The following SNTG1 variants were observed in gnomAD, a reference collection of about 807,000 sequenced individuals.
SNTG1 encodes the protein syntrophin gamma 1, also known as gamma-1-syntrophin.
In SNTG1, 39 loss-of-function variants were observed where a neutral mutation model predicts 74.7. The observed-to-expected ratio is 0.52, with a 90% confidence interval of 0.40 to 0.68. The LOEUF is 0.68. Ranked by LOEUF, SNTG1 falls within the 30% of genes least tolerant of loss-of-function variation. SNTG1 has a pLI of 0.00. For synonymous variants in SNTG1, 254 were observed against 217.1 expected (o/e 1.17, Z -1.49); for missense variants, 685 against 609.5 (o/e 1.12, Z -1.30).
At chr8:50,454,883 A>G (rs1444103027) in intron 8 of SNTG1, among the ~76,000 whole-genome samples, 2 of 151,634 alleles carry the variant, frequency 1.3e-5, no homozygotes, top group African/African-American at 4.8e-5. Flanking sequence ...TGTGAAAAGC[A>G]CTGAGACTGA....
chr8:50,028,987 T>G (rs937003515), intron 1 of SNTG1, among the ~76,000 whole-genome samples: 2 of 152,156 alleles, frequency 1.3e-5, no homozygotes, highest in African/African-American at 4.8e-5. Flanking sequence ...GTTTTTAATG[T>G]TGAGTTTTAA....
intron 15 of SNTG1, among the ~76,000 whole-genome samples, chr8:50,662,663 AG>A (rs1465964327): frequency 2.0e-5 from 3 of 152,196 alleles, no homozygotes; most frequent in Non-Finnish European, 2.9e-5. Flanking sequence ...TTGGGAAAAA[AG>A]ATGGGAACCA....
intron 18 of SNTG1, among the ~76,000 whole-genome samples, chr8:50,762,093 G>A (rs1284591438): frequency 6.6e-6 from 1 of 151,730 alleles, no homozygotes; most frequent in African/African-American, 2.4e-5. Flanking sequence ...AGTGAATCTT[G>A]CTTGGTTCTG....
At chr8:50,261,962 CT>C (rs2087215200) in intron 2 of SNTG1, among the ~76,000 whole-genome samples, 1 of 151,986 alleles carries the variant, frequency 6.6e-6, no homozygotes, top group Non-Finnish European at 1.5e-5. Context: ...CTCTATGCAC[CT>C]ATTAAAATAT....
intron 17 of SNTG1, among the ~76,000 whole-genome samples, chr8:50,721,362 C>A (rs2095487207): frequency 6.6e-6 from 1 of 152,164 alleles, no homozygotes; most frequent in South Asian, 2.1e-4. Flanking sequence ...CTGGCATTTT[C>A]AAGCTTTGAG....
At chr8:50,169,126 GT>G (rs2082724209) in intron 1 of SNTG1, among the ~76,000 whole-genome samples, 1 of 151,958 alleles carries the variant, frequency 6.6e-6, no homozygotes, top group African/African-American at 2.4e-5. Context: ...TTTGTCATTT[GT>G]GGTTGATTTC....
At chr8:49,971,724 G>T (rs925102824) in intron 1 of SNTG1, among the ~76,000 whole-genome samples, 1 of 152,064 alleles carries the variant, frequency 6.6e-6, no homozygotes, top group Non-Finnish European at 1.5e-5. Flanking sequence ...ACCAATAACA[G>T]ACAAACAGAG....
chr8:50,348,663 A>G (rs943346567), intron 2 of SNTG1, among the ~76,000 whole-genome samples: 8 of 152,204 alleles, frequency 5.3e-5, no homozygotes, highest in Non-Finnish European at 1.0e-4. Context: ...ACTAATAAAG[A>G]TGACTATTTA....
At chr8:50,347,018 T>C (rs979434784) in intron 2 of SNTG1, among the ~76,000 whole-genome samples, 4 of 152,188 alleles carry the variant, frequency 2.6e-5, no homozygotes, top group African/African-American at 9.7e-5. Context: ...ATCCAGAAGA[T>C]CTAAATAAGA....
chr8:49,942,040 G>A (rs1808739100), intron 1 of SNTG1, among the ~76,000 whole-genome samples: 1 of 152,074 alleles, frequency 6.6e-6, no homozygotes, highest in Non-Finnish European at 1.5e-5. Flanking sequence ...GATAAATATA[G>A]CTCAAAAAGA....
At chr8:50,028,870 G>A (rs1319361846) in intron 1 of SNTG1, among the ~76,000 whole-genome samples, 1 of 152,058 alleles carries the variant, frequency 6.6e-6, no homozygotes, top group Non-Finnish European at 1.5e-5. Flanking sequence ...TTTCCCTAAT[G>A]GCTAGAGATG....
At chr8:50,598,072 A>G (rs532082813) in intron 13 of SNTG1, among the ~76,000 whole-genome samples, 9 of 150,380 alleles carry the variant, frequency 6.0e-5, no homozygotes, top group Middle Eastern at 3.2e-3. Flanking sequence ...TTTTAGTTTG[A>G]TGCAATCCCA....
intron 8 of SNTG1, among the ~76,000 whole-genome samples, chr8:50,500,991 C>T (rs561768104): frequency 2.0e-5 from 3 of 152,212 alleles, no homozygotes; most frequent in South Asian, 2.1e-4. Context: ...AGTGGCCTCC[C>T]TCACTGGGCA....
At chr8:50,541,380 T>G (rs1010366085) in intron 11 of SNTG1, among the ~76,000 whole-genome samples, 4 of 152,050 alleles carry the variant, frequency 2.6e-5, no homozygotes, top group African/African-American at 9.7e-5. Context: ...CATTCTCCTG[T>G]AGTCCTTCCA....
At position 50,393,071 on chromosome 8, in the gene SNTG1, A is replaced by G. The variant is rs2092683828; in HGVS notation, c.-27-1141A>G. Among the ~76,000 whole-genome samples, 6 of 152,254 alleles carry G rather than the reference A, an allele frequency of 3.9e-5. No individual in the cohort carries two copies. In the South Asian group the frequency reaches 1.2e-3, roughly 32 times the overall value. The stretch of plus-strand genomic sequence containing the variant: ...TACAGGTTCTTCAAATAAAATGTTT[A>G]AGAGCAATTTTGAAAAATAATTAAG... On this transcript the variant is annotated intron_variant, in intron 2 of 18. Coordinates refer to ENST00000642720, the MANE Select transcript of SNTG1 (RefSeq NM_018967.5).
At chr8:50,159,164 T>C (rs571265733) in intron 1 of SNTG1, among the ~76,000 whole-genome samples, 1 of 152,304 alleles carries the variant, frequency 6.6e-6, no homozygotes, top group South Asian at 2.1e-4. Context: ...GACTTTTTTC[T>C]TTATTGACTT....
chr8:49,967,903 C>T (rs983100291), intron 1 of SNTG1, among the ~76,000 whole-genome samples: 3 of 152,172 alleles, frequency 2.0e-5, no homozygotes, highest in African/African-American at 7.2e-5. Context: ...TCTGGCTTTA[C>T]AGCAGCTTCC....
In SNTG1 at chr8:50,000,798, A is replaced by G. The variant is rs536035444; in HGVS notation, c.-103+88567A>G. ...TTCCTTTTATTCTTGCTAGAGTCCT[A>G]TAGATCTGGACAAGAGGTTATCCTT... On this transcript the variant is annotated intron_variant, in intron 1 of 18. Coordinates refer to ENST00000642720, the MANE Select transcript of SNTG1 (RefSeq NM_018967.5). Among the ~76,000 whole-genome samples, 6 of 152,314 alleles carry G rather than the reference A, an allele frequency of 3.9e-5. No individual in the cohort carries two copies. In the East Asian group the frequency reaches 1.2e-3, roughly 29 times the overall value.
intron 15 of SNTG1, among the ~76,000 whole-genome samples, chr8:50,702,808 A>G (rs1477330669): frequency 1.3e-5 from 2 of 152,234 alleles, no homozygotes; most frequent in African/African-American, 4.8e-5. Context: ...TATTTCTCCT[A>G]GGTTACACAC....
Sources: allele counts gnomAD v4.1 joint callset (sites outside exome capture counted in the v4.1 genomes callset), GRCh38; gene constraint gnomAD v4.1.1; transcripts MANE v1.5; gene names NCBI Gene and HGNC (gene_info 2026-07-23, HGNC 2026-07-21).